DGKB: variants seen among roughly 807,000 people sequenced by gnomAD.
The protein encoded by DGKB is diacylglycerol kinase beta, also known as 90 kDa diacylglycerol kinase.
A neutral mutation model predicts 114.3 loss-of-function variants in DGKB; 67 were observed. The ratio of observed to expected loss-of-function variants is 0.59; its 90% CI spans 0.48 to 0.72. The LOEUF (loss-of-function observed/expected upper bound fraction) is 0.72. Ranked by LOEUF, DGKB falls within the 30% of genes least tolerant of loss-of-function variation. The pLI, the probability that DGKB is intolerant of heterozygous loss-of-function variation, is 0.00. For synonymous variants in DGKB, 398 were observed against 323.1 expected (o/e 1.23, Z -2.49); for missense variants, 907 against 975.2 (o/e 0.93, Z 0.93).
Position 14,658,776 on chromosome 7 carries a change from C to A in DGKB, c.1134+14153G>T, listed in dbSNP as rs574288994. Among the ~76,000 whole-genome samples, 1,041 of 151,700 alleles carry A rather than the reference C, an allele frequency of 6.9e-3. 8 individuals are homozygous for A. The highest frequency in any genetic ancestry group is 0.011 in the Non-Finnish European group (770 of 67,844). Reference sequence around the variant, plus strand: ...TGATTTAAAAATTACGTTTATAAAACAGGATTAATTAATTTTAATACTAAA... The same window carrying A: ...TGATTTAAAAATTACGTTTATAAAAAAGGATTAATTAATTTTAATACTAAA... On this transcript the variant is annotated intron_variant, in intron 13 of 25. Coordinates refer to ENST00000402815, the MANE Select transcript of DGKB (RefSeq NM_001350709.2).
chr7:14,318,400 T>C (rs1411671997), intron 23 of DGKB, among the ~76,000 whole-genome samples: 1 of 152,100 alleles, frequency 6.6e-6, no homozygotes, highest in East Asian at 1.9e-4. Context: ...GACAAAGGGC[T>C]AATATCCAGA....
At chr7:14,541,294 T>G (rs1229071159) in intron 20 of DGKB, among the ~76,000 whole-genome samples, 1 of 152,184 alleles carries the variant, frequency 6.6e-6, no homozygotes, top group Non-Finnish European at 1.5e-5. Context: ...AGGTCAGCTA[T>G]CAATATCACT....
At chr7:14,625,015 A>G (rs1808324433) in intron 14 of DGKB, among the ~76,000 whole-genome samples, 1 of 152,046 alleles carries the variant, frequency 6.6e-6, no homozygotes, top group African/African-American at 2.4e-5. Context: ...AAATAAATAT[A>G]TAAATAAAAA....
At chr7:14,840,744 A>ACACACAC (rs1554298987) in intron 2 of DGKB, among the ~76,000 whole-genome samples, 3 of 116,234 alleles carry the variant, frequency 2.6e-5, no homozygotes, top group Non-Finnish European at 3.6e-5. Flanking sequence ...ACACACACAC[A>ACACACAC]CCTCTCCCTT....
intron 23 of DGKB, among the ~76,000 whole-genome samples, chr7:14,247,425 A>C (rs574719389): frequency 6.6e-6 from 1 of 152,118 alleles, no homozygotes; most frequent in African/African-American, 2.4e-5. Flanking sequence ...AGAAACTTCC[A>C]TACATTTTTC....
At chr7:14,854,817 T>A (rs1849892542) in intron 1 of DGKB, among the ~76,000 whole-genome samples, 1 of 152,182 alleles carries the variant, frequency 6.6e-6, no homozygotes, top group East Asian at 1.9e-4. Flanking sequence ...ATCCACAGAA[T>A]TACAAAATAA....
At chr7:14,199,384 T>C (rs1390616027) in intron 23 of DGKB, among the ~76,000 whole-genome samples, 4 of 151,948 alleles carry the variant, frequency 2.6e-5, no homozygotes, top group African/African-American at 7.2e-5. Context: ...ATGTCTGATC[T>C]AAGAAAGCAT....
At chr7:14,612,302 T>C (rs1026864766) in intron 16 of DGKB, among the ~76,000 whole-genome samples, 1 of 152,000 alleles carries the variant, frequency 6.6e-6, no homozygotes, top group Admixed American at 6.6e-5. Flanking sequence ...CCCAAGTAGC[T>C]GGGATTACAG....
chr7:14,184,475 G>A (rs761374127), intron 23 of DGKB, among the ~76,000 whole-genome samples: 3 of 152,134 alleles, frequency 2.0e-5, no homozygotes, highest in African/African-American at 7.2e-5. Flanking sequence ...CAGTTTGCAT[G>A]GGAGCTGTGT....
intron 2 of DGKB, among the ~76,000 whole-genome samples, chr7:14,825,616 T>C (rs1845598960): frequency 6.6e-6 from 1 of 152,034 alleles, no homozygotes; most frequent in Non-Finnish European, 1.5e-5. Context: ...TGGCTGTAAA[T>C]ACAGAGGAAA....
chr7:14,176,837 A>T lies in DGKB; in HGVS notation c.2304+2T>A. 1 of 1,613,808 alleles carries T rather than the reference A, an allele frequency of 6.2e-7. No homozygotes were observed. The highest frequency in any genetic ancestry group is 8.5e-7 in the Non-Finnish European group (1 of 1,179,766). On this transcript the variant is annotated splice_donor_variant, in intron 25 of 25. Coordinates refer to ENST00000402815, the MANE Select transcript of DGKB (RefSeq NM_001350709.2). LOFTEE classifies it high-confidence loss of function. ...ATAGCATATCAACTACTCTGTACTC[A>T]CTGTGCATGGGGTCTGCATCCATGG... is the stretch of plus-strand genomic sequence containing the variant.
rs890126965 is a variant in DGKB, at chr7:14,834,880, C to T, written c.70+6314G>A. On this transcript the variant is annotated intron_variant, in intron 2 of 25. Transcript: ENST00000402815. ...CCCAAAGTTTTGCATCTTTAGGGTA[C>T]GAAAATTATGGGAGTTTAGACGTTC... Among the ~76,000 whole-genome samples, 22 of 151,956 alleles carry T rather than the reference C, an allele frequency of 1.4e-4. 1 individual carries two copies. Among genetic ancestry groups the T allele is most frequent in the South Asian group, 4.2e-4 (2 of 4,814 alleles).
intron 21 of DGKB, among the ~76,000 whole-genome samples, chr7:14,410,782 G>A (rs1466739469): frequency 1.8e-5 from 2 of 109,014 alleles, no homozygotes; most frequent in African/African-American, 6.3e-5. Flanking sequence ...TTTAAAAATT[G>A]TATCAAATCA....
At chr7:14,251,624 GT>G (rs1468713494) in intron 23 of DGKB, among the ~76,000 whole-genome samples, 1 of 151,894 alleles carries the variant, frequency 6.6e-6, no homozygotes, top group Non-Finnish European at 1.5e-5. Context: ...ATGCTTTTAT[GT>G]TAATTAGCCT....
chr7:14,510,090 T>C (rs1271987562), intron 20 of DGKB, among the ~76,000 whole-genome samples: 1 of 152,072 alleles, frequency 6.6e-6, no homozygotes, highest in African/African-American at 2.4e-5. Context: ...GCGGGGATCT[T>C]GTCTCAATGC....
At chr7:14,472,303 G>A (rs893861886) in intron 21 of DGKB, among the ~76,000 whole-genome samples, 113 of 152,260 alleles carry the variant, frequency 7.4e-4, no homozygotes, top group African/African-American at 2.6e-3. Flanking sequence ...TAATGAATAA[G>A]CCTCACAAGA....
rs913128504 is a variant in DGKB, at chr7:14,790,170, T to G, written c.71-32439A>C. ...TTGTTTTTACTTCGAATTTTGCGAGTTCATTATATATTTTACATGCTAGTC... is the reference window on the plus strand; with the variant it reads ...TTGTTTTTACTTCGAATTTTGCGAGGTCATTATATATTTTACATGCTAGTC... On this transcript the variant is annotated intron_variant, in intron 2 of 25. Coordinates refer to ENST00000402815, the MANE Select transcript of DGKB (RefSeq NM_001350709.2). Among the ~76,000 whole-genome samples, 4 of 152,314 alleles carry G rather than the reference T, an allele frequency of 2.6e-5. No homozygotes were observed. In the South Asian group the frequency reaches 8.3e-4, roughly 32 times the overall value.
intron 20 of DGKB, among the ~76,000 whole-genome samples, chr7:14,552,305 G>A (rs1228923724): frequency 6.6e-6 from 1 of 152,074 alleles, no homozygotes; most frequent in East Asian, 1.9e-4. Context: ...ACTAATAAAT[G>A]AACTTCTCTG....
intron 21 of DGKB, among the ~76,000 whole-genome samples, chr7:14,390,572 A>C (rs1207091094): frequency 1.3e-5 from 2 of 152,152 alleles, no homozygotes; most frequent in Non-Finnish European, 2.9e-5. Context: ...TAATTTTTAT[A>C]TTATTTTGTT....
Sources: gnomAD v4.1 joint callset for allele counts (sites outside exome capture counted in the v4.1 genomes callset) on GRCh38, gnomAD v4.1.1 for gene constraint, MANE v1.5 for transcripts, NCBI Gene and HGNC (gene_info 2026-07-23, HGNC 2026-07-21) for gene names.